TMEM51: variants seen among roughly 807,000 people sequenced by gnomAD.
TMEM51 encodes chromosome 1 open reading frame 72.
A neutral mutation model predicts 13.6 loss-of-function variants in TMEM51; 8 were observed. That is an observed-to-expected ratio of 0.59 (90% CI 0.35 to 1.07). The LOEUF (loss-of-function observed/expected upper bound fraction) is 1.07, where lower values mean the gene tolerates loss of function less well. Ranked by LOEUF, TMEM51 falls within the 50% of genes least tolerant of loss-of-function variation. The pLI is 0.02. For missense variants in TMEM51, 279 were observed against 330.7 expected, an observed-to-expected ratio of 0.84 and a Z score of 1.21; for synonymous variants, 147 against 144.4, an observed-to-expected ratio of 1.02 and a Z score of -0.13.
At chr1:15,215,662 A>G (rs1360822500) in intron 3 of TMEM51, among the ~76,000 whole-genome samples, 1 of 152,232 alleles carries the variant, frequency 6.6e-6, no homozygotes, top group African/African-American at 2.4e-5. Flanking sequence ...GTAAACCAAG[A>G]TTTTTTAAAA....
chr1:15,190,053 T>C (rs955071468), intron 1 of TMEM51, among the ~76,000 whole-genome samples: 2 of 152,218 alleles, frequency 1.3e-5, no homozygotes, highest in Admixed American at 1.3e-4. Flanking sequence ...TGACCTTAGA[T>C]AAAGGAGTGC....
intron 1 of TMEM51, among the ~76,000 whole-genome samples, chr1:15,166,505 A>G (rs866137226): frequency 2.7e-4 from 41 of 152,102 alleles, no homozygotes; most frequent in African/African-American, 9.4e-4. Context: ...GGATCACTTG[A>G]GGTCAGGAAT....
At chr1:15,204,736 C>G (rs1306855119) in intron 1 of TMEM51, among the ~76,000 whole-genome samples, 1 of 152,194 alleles carries the variant, frequency 6.6e-6, no homozygotes, top group Non-Finnish European at 1.5e-5. Context: ...GTGGGGATGA[C>G]AGTACCTCCC....
rs1303354250 is a variant in TMEM51 at position 15,219,570 on chromosome 1, C to T, written c.589C>T (p.Arg197Ter). The T allele has an allele frequency of 6.8e-6, 11 of 1,614,054 alleles. No individual in the cohort carries two copies. The highest frequency in any genetic ancestry group is 8.5e-6 in the Non-Finnish European group (10 of 1,180,018). Residue 197 changes from arginine to a stop codon, truncating the protein, a stop_gained, in exon 4 of 4, where the codon CGA (arginine) becomes TGA (stop). Transcript: ENST00000376008. LOFTEE classifies it high-confidence loss of function. Reference protein sequence around the residue: ...PDRQNSKLAKRLKPLKVRRIK... With the variant: ...PDRQNSKLAK ...CAGGCAGAACTCTAAGTTGGCCAAA[C>T]GACTGAAACCGCTGAAAGTTCGAAG...
chr1:15,189,538 T>C (rs1266388178), intron 1 of TMEM51, among the ~76,000 whole-genome samples: 1 of 152,158 alleles, frequency 6.6e-6, no homozygotes, highest in Non-Finnish European at 1.5e-5. Flanking sequence ...GTAGAGATGA[T>C]GCTGGCATAG....
intron 1 of TMEM51, chr1:15,168,654 T>C: frequency 7.7e-7 from 1 of 1,304,418 alleles, no homozygotes; most frequent in Non-Finnish European, 1.0e-6. Flanking sequence ...ACTGACTCAC[T>C]GCATCTGAGG....
At chr1:15,183,939 G>A (rs1643692713) in intron 1 of TMEM51, among the ~76,000 whole-genome samples, 1 of 152,242 alleles carries the variant, frequency 6.6e-6, no homozygotes, top group Admixed American at 6.5e-5. Context: ...ACATGAAGGT[G>A]CACGTGCCTC....
rs869144476 is a variant in TMEM51, at chr1:15,193,563, T to TTTTCTTTC, written c.-266-16919_-266-16912dup. 2.9e-4 allele frequency among the ~76,000 whole-genome samples: 37 copies of TTTTCTTTC among 127,656 alleles called. 2 individuals carry two copies. The highest frequency in any genetic ancestry group is 1.1e-3 in the African/African-American group (34 of 32,270). 83.7% of individuals were successfully genotyped at this position (127,656 alleles called of 152,430 possible). A position where few individuals can be genotyped will look rare whatever the true frequency, so the allele number is the denominator to read the frequency against. On this transcript the variant is annotated intron_variant, in intron 1 of 3. Transcript: ENST00000376008. ...GGAAGTAGACAGCATTTTCTTTTTC[T>TTTTCTTTC]TTTCTTTCTTTCTTTTTTTTTTTTT... is the stretch of plus-strand genomic sequence containing the variant.
chr1:15,178,141 T>A (rs551187696), intron 1 of TMEM51, among the ~76,000 whole-genome samples: 60 of 56,132 alleles, frequency 1.1e-3, no homozygotes, highest in Non-Finnish European at 1.5e-3. Context: ...ATGAGGTCCT[T>A]GTGGCTGGAG....
chr1:15,185,009 C>T (rs1253237644), intron 1 of TMEM51, among the ~76,000 whole-genome samples: 1 of 152,088 alleles, frequency 6.6e-6, no homozygotes, highest in Admixed American at 6.6e-5. Flanking sequence ...CATAGAAGTA[C>T]AGGAAGGCAG....
At chr1:15,166,439 G>C (rs1356571993) in intron 1 of TMEM51, among the ~76,000 whole-genome samples, 1 of 152,204 alleles carries the variant, frequency 6.6e-6, no homozygotes, top group Non-Finnish European at 1.5e-5. Context: ...ACTCACCCAA[G>C]GCTGGGCACG....
chr1:15,201,287 A>C (rs1644150777), intron 1 of TMEM51, among the ~76,000 whole-genome samples: 1 of 152,148 alleles, frequency 6.6e-6, no homozygotes, highest in African/African-American at 2.4e-5. Context: ...TATTAAGTAA[A>C]TAATATTCGT....
At chr1:15,185,350 C>T (rs1248331683) in intron 1 of TMEM51, among the ~76,000 whole-genome samples, 1 of 152,142 alleles carries the variant, frequency 6.6e-6, no homozygotes, top group Non-Finnish European at 1.5e-5. Context: ...TCCTTGTGAC[C>T]TAGGCAGCCT....
Position 15,219,465 on chromosome 1 carries a change from G to A in TMEM51, c.484G>A (p.Glu162Lys), listed in dbSNP as rs1644479227. 1 of 1,614,164 alleles carries A rather than the reference G, an allele frequency of 6.2e-7. No individual in the cohort carries two copies. The highest frequency in any genetic ancestry group is 8.5e-7 in the Non-Finnish European group (1 of 1,180,050). The change falls in exon 4 of 4, where the codon GAG becomes AAG. Residue 162 changes from glutamate (E) to lysine (K), a missense_variant. Transcript: ENST00000376008. ...PRLSISLPSY[E>K]SLTGLDETTP... ...GTTGAGCATCTCTCTCCCGTCCTAT[G>A]AGTCACTGACGGGGCTCGACGAGAC...
intron 1 of TMEM51, among the ~76,000 whole-genome samples, chr1:15,205,085 G>C (rs553577866): frequency 6.6e-6 from 1 of 152,118 alleles, no homozygotes; most frequent in African/African-American, 2.4e-5. Flanking sequence ...TGGGTCCCCC[G>C]TGCCAGCCTT....
At chr1:15,214,330 G>A (rs1373300763) in intron 2 of TMEM51, among the ~76,000 whole-genome samples, 3 of 152,140 alleles carry the variant, frequency 2.0e-5, no homozygotes, top group Admixed American at 6.5e-5. Context: ...AGAAAGGCAG[G>A]CTGAGACATG....
chr1:15,215,288 C>T lies in TMEM51; in HGVS notation c.201C>T (p.Tyr67=), dbSNP rs776820109. Residue 67 remains tyrosine, a synonymous_variant, in exon 3 of 4, where the codon TAC becomes TAT. Coordinates refer to ENST00000376008, the MANE Select transcript of TMEM51 (RefSeq NM_001136218.2). ...AGAGCAAGACCTTCTCTGTGGCCTA[C>T]GTGCTGGTCGGGGCCGGGGTGATGC... ...ILKSKTFSVA[Y]VLVGAGVMLL... is the part of the protein sequence containing the mutation. 4 of 1,614,220 alleles carry T rather than the reference C, an allele frequency of 2.5e-6. No homozygotes were observed. Among genetic ancestry groups the T allele is most frequent in the African/African-American group, 2.7e-5 (2 of 75,066 alleles).
chr1:15,169,483 C>T (rs140413788), intron 1 of TMEM51, among the ~76,000 whole-genome samples: 33 of 152,196 alleles, frequency 2.2e-4, no homozygotes, highest in Middle Eastern at 3.4e-3. Flanking sequence ...AATAAATGTG[C>T]GTGAGACTAT....
At chr1:15,159,895 T>G (rs1253554390) in intron 1 of TMEM51, among the ~76,000 whole-genome samples, 3 of 152,202 alleles carry the variant, frequency 2.0e-5, no homozygotes, top group Non-Finnish European at 4.4e-5. Context: ...GCCCATCCCC[T>G]GGCCTGAGAG....
Sources: allele counts gnomAD v4.1 joint callset (sites outside exome capture counted in the v4.1 genomes callset), GRCh38; gene constraint gnomAD v4.1.1; transcripts MANE v1.5; gene names NCBI Gene and HGNC (gene_info 2026-07-23, HGNC 2026-07-21).